The following EIF2AK3 variants were observed in gnomAD, a reference collection of about 807,000 sequenced individuals.
The protein encoded by EIF2AK3 is eukaryotic translation initiation factor 2-alpha kinase 3.
In EIF2AK3, 50 loss-of-function variants were observed where a neutral mutation model predicts 113.5. That is an observed-to-expected ratio of 0.44 (90% CI 0.35 to 0.56). The LOEUF (loss-of-function observed/expected upper bound fraction) is 0.56, where lower values mean the gene tolerates loss of function less well. Ranked by LOEUF, EIF2AK3 falls within the 20% of genes least tolerant of loss-of-function variation. The probability of loss-of-function intolerance (pLI) is 0.00; values close to 1 mark genes in which losing one functional copy is unlikely to be tolerated. For synonymous variants in EIF2AK3, 448 were observed against 495.4 expected (o/e 0.90, Z 1.27); for missense variants, 1,185 against 1,378.0 (o/e 0.86, Z 2.22).
rs143700250 is a variant in EIF2AK3, at chr2:88,605,072, A to G, written c.438+8652T>C. 2.5e-3 allele frequency among the ~76,000 whole-genome samples: 378 copies of G among 152,304 alleles called. 1 individual carries two copies. Among genetic ancestry groups the G allele is most frequent in the African/African-American group, 8.5e-3 (355 of 41,560 alleles). ...GGGCTATGTAAATGACTAAGAATAGATATCACTTTACAAACTATAAAGTGC... is the reference window on the plus strand; with the variant it reads ...GGGCTATGTAAATGACTAAGAATAGGTATCACTTTACAAACTATAAAGTGC... On this transcript the variant is annotated intron_variant, in intron 2 of 16. Coordinates refer to ENST00000303236, the MANE Select transcript of EIF2AK3 (RefSeq NM_004836.7).
At chr2:88,602,465 CAG>C (rs1275130397) in intron 2 of EIF2AK3, among the ~76,000 whole-genome samples, 2 of 151,830 alleles carry the variant, frequency 1.3e-5, no homozygotes, top group Non-Finnish European at 2.9e-5. Flanking sequence ...TGGCAAGATG[CAG>C]ACTCACTGAA....
chr2:88,571,712 G>C (rs1674314477), intron 13 of EIF2AK3, among the ~76,000 whole-genome samples: 2 of 152,212 alleles, frequency 1.3e-5, no homozygotes, highest in Admixed American at 1.3e-4. Context: ...GAATGAAACA[G>C]ACTGATCTTT....
chr2:88,615,437 T>C (rs1437697837), intron 1 of EIF2AK3, among the ~76,000 whole-genome samples: 3 of 152,188 alleles, frequency 2.0e-5, no homozygotes, highest in African/African-American at 7.2e-5. Context: ...TAGGAGGTGA[T>C]TAGTTCATGA....
At chr2:88,576,773 G>A in intron 11 of EIF2AK3, 70 bp from the exon 12 acceptor site, 2 of 1,526,184 alleles carry the variant, frequency 1.3e-6, no homozygotes, top group South Asian at 2.3e-5. Context: ...CAAATTATAT[G>A]ACTTATACCC....
intron 7 of EIF2AK3, among the ~76,000 whole-genome samples, chr2:88,588,497 C>T (rs1674795687): frequency 6.6e-6 from 1 of 152,050 alleles, no homozygotes; most frequent in African/African-American, 2.4e-5. Context: ...TTGGCATGGT[C>T]AGGGAATGAT....
At chr2:88,573,151 T>C (rs1317037218) in intron 13 of EIF2AK3, among the ~76,000 whole-genome samples, 1 of 151,542 alleles carries the variant, frequency 6.6e-6, no homozygotes, top group Non-Finnish European at 1.5e-5. Context: ...ACTAGAAATC[T>C]TTAAAAGGAA....
At chr2:88,601,668 A>G (rs1241269137) in intron 2 of EIF2AK3, among the ~76,000 whole-genome samples, 4 of 152,082 alleles carry the variant, frequency 2.6e-5, no homozygotes, top group Non-Finnish European at 5.9e-5. Context: ...TGATGTTACT[A>G]TCAATCACTT....
At chr2:88,566,497 C>A (rs1158799362) in intron 14 of EIF2AK3, among the ~76,000 whole-genome samples, 1 of 151,988 alleles carries the variant, frequency 6.6e-6, no homozygotes, top group African/African-American at 2.4e-5. Context: ...TCATTATTGA[C>A]CTGATAGTTA....
chr2:88,612,647 G>T (rs1013631616), intron 2 of EIF2AK3, among the ~76,000 whole-genome samples: 45 of 152,298 alleles, frequency 3.0e-4, no homozygotes, highest in African/African-American at 1.0e-3. Flanking sequence ...CACCAGAAAA[G>T]ATTTGGGCTG....
At chr2:88,586,261 A>G (rs902426192) in intron 8 of EIF2AK3, among the ~76,000 whole-genome samples, 200 bp from the exon 9 acceptor site, 2 of 152,090 alleles carry the variant, frequency 1.3e-5, no homozygotes, top group Non-Finnish European at 2.9e-5. Context: ...TTTATCCTAT[A>G]AGCATATTAA....
chr2:88,614,334 C>T lies in EIF2AK3; in HGVS notation c.309-481G>A, dbSNP rs529649755. ...ATGTATCTCATTGCCATTTCCAGAC[C>T]ACTTTTTTCCTCTCCTCTCTGAAAA... On this transcript the variant is annotated intron_variant, in intron 1 of 16. Transcript: ENST00000303236. 2.8e-4 allele frequency among the ~76,000 whole-genome samples: 43 copies of T among 152,222 alleles called. No homozygotes were observed. The South Asian group carries it at 7.1e-3, about 25-fold the overall frequency.
intron 2 of EIF2AK3, among the ~76,000 whole-genome samples, chr2:88,602,095 C>T (rs1438055250): frequency 6.6e-6 from 1 of 152,054 alleles, no homozygotes; most frequent in African/African-American, 2.4e-5. Context: ...TCGTGATCTG[C>T]CTGCCTCAGC....
In EIF2AK3 at chr2:88,599,335, G is replaced by C. The variant is rs2104450436; in HGVS notation, c.439-3672C>G. Among the ~76,000 whole-genome samples the C allele has an allele frequency of 2.0e-5, 3 of 151,984 alleles. 1 individual carries two copies. Among genetic ancestry groups the C allele is most frequent in the Middle Eastern group, 3.4e-3 (1 of 294 alleles). On this transcript the variant is annotated intron_variant, in intron 2 of 16. Transcript: ENST00000303236. Reference sequence around the variant, plus strand: ...TGTTTCCTTCTATTTCCTGATAATAGATAACAAATTTTATTCTCAAAAATT... The same window carrying C: ...TGTTTCCTTCTATTTCCTGATAATACATAACAAATTTTATTCTCAAAAATT...
chr2:88,584,946 A>C (rs1215370637), intron 9 of EIF2AK3, among the ~76,000 whole-genome samples: 12 of 152,080 alleles, frequency 7.9e-5, no homozygotes, highest in Admixed American at 7.9e-4. Context: ...ATCATTCAGA[A>C]CCTTGCATGT....
At chr2:88,573,857 C>A (rs1039274869) in intron 13 of EIF2AK3, among the ~76,000 whole-genome samples, 2 of 152,082 alleles carry the variant, frequency 1.3e-5, no homozygotes, top group African/African-American at 2.4e-5. Context: ...AGACTTTAAG[C>A]TACTTTCATC....
intron 15 of EIF2AK3, among the ~76,000 whole-genome samples, chr2:88,560,304 C>G (rs1271810935): frequency 6.6e-6 from 1 of 152,060 alleles, no homozygotes; most frequent in East Asian, 1.9e-4. Flanking sequence ...AATGAGTTGT[C>G]TTTTTGTTGA....
At position 88,557,688 on chromosome 2, in the gene EIF2AK3, T is replaced by C. The variant is rs770350999; in HGVS notation, c.*48A>G. On this transcript the variant is annotated 3_prime_UTR_variant, in exon 17 of 17. Coordinates refer to ENST00000303236, the MANE Select transcript of EIF2AK3 (RefSeq NM_004836.7). ...TTTTGGACAGGCATATTCTAAGAAGTAGGCTATTATCTGCATCACCTATTA... is the reference window on the plus strand; with the variant it reads ...TTTTGGACAGGCATATTCTAAGAAGCAGGCTATTATCTGCATCACCTATTA... 1.3e-6 allele frequency: 2 copies of C among 1,593,158 alleles called. No homozygotes were observed. The highest frequency in any genetic ancestry group is 1.1e-5 in the South Asian group (1 of 90,638).
chr2:88,597,821 A>G (rs1174176714), intron 2 of EIF2AK3, among the ~76,000 whole-genome samples: 1 of 152,154 alleles, frequency 6.6e-6, no homozygotes, highest in Non-Finnish European at 1.5e-5. Flanking sequence ...TGATATCCTC[A>G]AAAATTGTTC....
At chr2:88,592,400 A>T (rs982193476) in intron 4 of EIF2AK3, among the ~76,000 whole-genome samples, 1 of 152,220 alleles carries the variant, frequency 6.6e-6, no homozygotes, top group Non-Finnish European at 1.5e-5. Flanking sequence ...TTCAAGCTCA[A>T]AGAAACACAT....
Sources: allele counts gnomAD v4.1 joint callset (sites outside exome capture counted in the v4.1 genomes callset), GRCh38; gene constraint gnomAD v4.1.1; transcripts MANE v1.5; gene names NCBI Gene and HGNC (gene_info 2026-07-23, HGNC 2026-07-21).